The following TRPM7 variants were observed in gnomAD, a reference collection of about 807,000 sequenced individuals.
TRPM7 encodes the protein LTRPC ion channel family member 7.
TRPM7 carries 134 observed loss-of-function variants against 229.7 expected under a neutral mutation model. That is an observed-to-expected ratio of 0.58 (90% CI 0.51 to 0.67). TRPM7 has a LOEUF of 0.67. Ranked by LOEUF, TRPM7 falls within the 30% of genes least tolerant of loss-of-function variation. The probability of loss-of-function intolerance (pLI) is 0.00; values close to 1 mark genes in which losing one functional copy is unlikely to be tolerated. For missense variants in TRPM7, 1,901 were observed against 2,210.0 expected (o/e 0.86, Z 2.80); for synonymous variants, 699 against 715.2 (o/e 0.98, Z 0.36).
intron 7 of TRPM7, among the ~76,000 whole-genome samples, chr15:50,635,145 G>A (rs535607653): frequency 1.7e-4 from 25 of 151,282 alleles, no homozygotes; most frequent in African/African-American, 6.1e-4. Context: ...GTGAAACCCT[G>A]TCTCTACTGA....
intron 31 of TRPM7, among the ~76,000 whole-genome samples, chr15:50,578,325 C>T (rs1352342172): frequency 6.6e-6 from 1 of 151,908 alleles, no homozygotes; most frequent in Non-Finnish European, 1.5e-5. Flanking sequence ...TCAAGGTGGT[C>T]AAGAATAACT....
rs58783893 is a variant in TRPM7 at position 50,679,538 on chromosome 15, ATTTTT to A, written c.3+6988_3+6992del. The stretch of plus-strand genomic sequence containing the variant: ...TATATATATATATATATATATATAT[ATTTTT>A]TTTTTTTTTTGAGACAGAGTCTTGT... On this transcript the variant is annotated intron_variant, in intron 1 of 38. Transcript: ENST00000646667. 5.5e-3 allele frequency among the ~76,000 whole-genome samples: 240 copies of A among 43,900 alleles called. 2 individuals are homozygous for A. Among genetic ancestry groups the A allele is most frequent in the South Asian group, 0.011 (16 of 1,414 alleles). 28.8% of individuals were successfully genotyped at this position (43,900 alleles called of 152,430 possible). A position where few individuals can be genotyped will look rare whatever the true frequency, so the allele number is the denominator to read the frequency against.
chr15:50,640,105 T>C (rs1173138404), intron 5 of TRPM7, among the ~76,000 whole-genome samples: 1 of 152,142 alleles, frequency 6.6e-6, no homozygotes, highest in Admixed American at 6.6e-5. Context: ...CTGTAGTTTT[T>C]TATTATTGCT....
chr15:50,643,335 A>G lies in TRPM7; in HGVS notation c.535+5T>C. On this transcript the variant is annotated splice_donor_5th_base_variant and intron_variant, in intron 5 of 38. Transcript: ENST00000646667. Reference sequence around the variant, plus strand: ...TAAATAAAATTGGTATAATCATCACATTACCTGTGTTTACTCCTCCAGTTA... The same window carrying G: ...TAAATAAAATTGGTATAATCATCACGTTACCTGTGTTTACTCCTCCAGTTA... The G allele has an allele frequency of 6.2e-7, 1 of 1,611,710 alleles. No homozygotes were observed. Among genetic ancestry groups the G allele is most frequent in the Non-Finnish European group, 8.5e-7 (1 of 1,177,972 alleles).
At chr15:50,570,265 C>A (rs555348530) in intron 36 of TRPM7, 110 bp from the exon 37 acceptor site, 2 of 771,112 alleles carry the variant, frequency 2.6e-6, no homozygotes, top group South Asian at 2.1e-5. Context: ...TATCATCAAT[C>A]ATTACAATGT....
intron 1 of TRPM7, among the ~76,000 whole-genome samples, chr15:50,674,559 T>G (rs985532381): frequency 6.6e-6 from 1 of 152,226 alleles, no homozygotes; most frequent in Non-Finnish European, 1.5e-5. Flanking sequence ...ATACTAAAAA[T>G]ACAAATGATT....
chr15:50,643,580 A>C (rs767804550), intron 4 of TRPM7, 27 bp from the exon 5 acceptor site: 24 of 1,579,912 alleles, frequency 1.5e-5, no homozygotes, highest in Non-Finnish European at 2.0e-5. Context: ...AAAGGAGAAA[A>C]TAATTGAACA....
chr15:50,582,989 A>G lies in TRPM7; in HGVS notation c.4557+100T>C, dbSNP rs924571357. 7 of 890,010 alleles carry G rather than the reference A, an allele frequency of 7.9e-6. No individual in the cohort carries two copies. The African/African-American group carries it at 1.2e-4, about 16-fold the overall frequency. 55.1% of individuals were successfully genotyped at this position (890,010 alleles called of 1,614,324 possible). On this transcript the variant is annotated intron_variant, in intron 29 of 38. Coordinates refer to ENST00000646667, the MANE Select transcript of TRPM7 (RefSeq NM_017672.6). The stretch of plus-strand genomic sequence containing the variant: ...AGTTTTCTTAAGAAAAATTTTTTTG[A>G]ATTTTTGATATAGTCCCAAATATCA...
chr15:50,633,049 A>G (rs1265891221), intron 8 of TRPM7, 57 bp from the exon 9 acceptor site: 3 of 1,502,444 alleles, frequency 2.0e-6, no homozygotes, highest in South Asian at 1.3e-5. Flanking sequence ...TGTAGGATCA[A>G]TATGAAGTAC....
intron 3 of TRPM7, among the ~76,000 whole-genome samples, chr15:50,650,816 T>A (rs1485584110): frequency 6.6e-6 from 1 of 152,154 alleles, no homozygotes; most frequent in Non-Finnish European, 1.5e-5. Context: ...CTATAGCAAG[T>A]CTAAAACTCG....
In TRPM7 at chr15:50,614,254, G is replaced by T. The variant is rs1223489527; in HGVS notation, c.1504C>A (p.Pro502Thr). 7.5e-6 allele frequency: 12 copies of T among 1,596,432 alleles called. No homozygotes were observed. Among genetic ancestry groups the T allele is most frequent in the Non-Finnish European group, 1.0e-5 (12 of 1,174,848 alleles). Residue 502 changes from proline (P) to threonine (T), a missense_variant, in exon 14 of 39, where the codon CCT becomes ACT. Pro to Thr is a conservative substitution (Grantham distance 38). Around this residue, in one of 8 missense-constraint regions of TRPM7, gnomAD observed 794 missense variants for 881.9 expected, o/e 0.90. Coordinates refer to ENST00000646667, the MANE Select transcript of TRPM7 (RefSeq NM_017672.6). ...LVRDVKQGNL[P>T]PGYKITLIDI... ...ATCAGAGTGATCTTATATCCTGGAG[G>T]AAGATTTCCCTAGAAACAAAACATT...
intron 10 of TRPM7, among the ~76,000 whole-genome samples, chr15:50,630,548 A>G (rs995922229): frequency 2.0e-5 from 3 of 152,184 alleles, no homozygotes; most frequent in African/African-American, 7.2e-5. Context: ...CTTAGTCCTA[A>G]AAGATACCAC....
At position 50,637,592 on chromosome 15, in the gene TRPM7, A is replaced by C. The variant is rs1422817313; in HGVS notation, c.662T>G (p.Val221Gly). The C allele has an allele frequency of 1.1e-5, 18 of 1,611,222 alleles. No homozygotes were observed. The highest frequency in any genetic ancestry group is 1.5e-5 in the Non-Finnish European group (18 of 1,179,012). The change falls in exon 7 of 39, where the codon GTG becomes GGG. Residue 221 changes from valine (V) to glycine (G), a missense_variant and splice_region_variant. By Grantham distance (109) the Val-to-Gly change is moderately radical. Transcript: ENST00000646667. ...CAATAAGGTTTGATAAGGAGCAACC[A>C]CCTAAACAATAGCAAACAAAAGAGT... ...ENRNDLVGRD[V>G]VAPYQTLLNP...
intron 2 of TRPM7, among the ~76,000 whole-genome samples, chr15:50,661,286 A>T (rs2061715380): frequency 6.6e-6 from 1 of 152,116 alleles, no homozygotes; most frequent in Admixed American, 6.6e-5. Context: ...ATTAACTACC[A>T]TTCTTATAAA....
Position 50,583,173 on chromosome 15 carries a change from A to T in TRPM7, c.4487-14T>A, listed in dbSNP as rs769666720. 77 of 1,574,740 alleles carry T rather than the reference A, an allele frequency of 4.9e-5. 1 individual carries two copies. The highest frequency in any genetic ancestry group is 3.4e-4 in the East Asian group (15 of 44,428). ...TGATTTTTTCTGCTAAAAGAAAATT[A>T]AAAAATATAAAAAAGCTACACAACT... On this transcript the variant is annotated splice_polypyrimidine_tract_variant and intron_variant, in intron 28 of 38. Transcript: ENST00000646667.
rs1322165481 is a variant in TRPM7 at position 50,560,124 on chromosome 15, A to T, written c.*1554T>A. The T allele has an allele frequency of 6.6e-6, 1 of 152,122 alleles. No individual in the cohort carries two copies. The highest frequency in any genetic ancestry group is 2.4e-5 in the African/African-American group (1 of 41,424). The allele number at this position is 152,122 out of a possible 1,614,324, so 9.4% of individuals were successfully genotyped here. On this transcript the variant is annotated 3_prime_UTR_variant, in exon 39 of 39. Transcript: ENST00000646667. ...ATATTGCCCTTTTTTGGCCTAACAA[A>T]AAACAGATTTCTAAGAAGACAGTAA... is the stretch of plus-strand genomic sequence containing the variant.
intron 2 of TRPM7, among the ~76,000 whole-genome samples, chr15:50,659,578 T>A (rs2061675700): frequency 6.6e-6 from 1 of 152,228 alleles, no homozygotes; most frequent in Non-Finnish European, 1.5e-5. Context: ...CAGCTTTGGA[T>A]TTCTTTAATA....
At chr15:50,596,940 G>A (rs183584237) in intron 22 of TRPM7, among the ~76,000 whole-genome samples, 63 of 152,218 alleles carry the variant, frequency 4.1e-4, no homozygotes, top group Middle Eastern at 3.4e-3. Context: ...AGTAGAGACC[G>A]GATTTCATCA....
intron 10 of TRPM7, among the ~76,000 whole-genome samples, chr15:50,629,859 C>CTTTTTTT (rs33991422): frequency 2.8e-5 from 3 of 106,516 alleles, no homozygotes; most frequent in Non-Finnish European, 3.6e-5. Flanking sequence ...TCTTTTTAAC[C>CTTTTTTT]TTTTTTTTTT....
Sources: gnomAD v4.1 joint callset for allele counts (sites outside exome capture counted in the v4.1 genomes callset) on GRCh38, gnomAD v4.1.1 for gene constraint, gnomAD v4.1.1 regional missense constraint, MANE v1.5 for transcripts, NCBI Gene and HGNC (gene_info 2026-07-23, HGNC 2026-07-21) for gene names.